The following TMEM245 variants were observed in gnomAD, a reference collection of about 807,000 sequenced individuals.
The protein encoded by TMEM245 is transmembrane protein 245.
Under a neutral mutation model 101.2 loss-of-function variants are expected in TMEM245, and 69 were observed. The observed-to-expected ratio is 0.68, with a 90% CI of 0.56 to 0.83. The LOEUF (loss-of-function observed/expected upper bound fraction) is 0.83. Ranked by LOEUF, TMEM245 falls within the 40% of genes least tolerant of loss-of-function variation. The pLI is 0.00. For synonymous variants in TMEM245, 537 were observed against 449.8 expected (o/e 1.19, Z -2.45); for missense variants, 1,075 against 1,092.8 (o/e 0.98, Z 0.23).
Position 109,108,480 on chromosome 9 carries a change from C to T in TMEM245, c.670G>A (p.Val224Ile), listed in dbSNP as rs750708190. 3 of 1,562,588 alleles carry T rather than the reference C, an allele frequency of 1.9e-6. No homozygotes were observed. In the African/African-American group the frequency reaches 4.2e-5, roughly 22 times the overall value. The change falls in exon 2 of 18, where the codon GTC becomes ATC. Residue 224 changes from valine (V) to isoleucine (I), a missense_variant. Physicochemically the swap from Val to Ile is conservative, Grantham distance 29 (BLOSUM62 3). Transcript: ENST00000374586. ...AAATGAAAAAGCAATATAATCCAGA[C>T]AGGAATTGAAACTGCTCTCAAGTAG... The part of the protein sequence containing the change: ...ERYLRAVSIP[V>I]WIILLFHLAS...
In TMEM245 at chr9:109,108,515, C is replaced by T; in HGVS notation, c.635G>A (p.Ser212Asn). The T allele has an allele frequency of 3.7e-6, 6 of 1,609,352 alleles. No homozygotes were observed. Among genetic ancestry groups the T allele is most frequent in the Non-Finnish European group, 4.2e-6 (5 of 1,178,034 alleles). Residue 212 changes from serine to asparagine, a missense_variant, in exon 2 of 18, where the codon AGC (serine) becomes AAC (asparagine). Ser to Asn is a conservative substitution (Grantham distance 46). Around this residue, in one of 2 missense-constraint regions of TMEM245, gnomAD observed 808 missense variants for 741.5 expected, o/e 1.09. Transcript: ENST00000374586. ...AACTGCTCTCAAGTAGCGTTCAGTG[C>T]TTGCATTCCACTTGAATGAAACAGT... ...VLTVSFKWNA[S>N]TERYLRAVSI...
intron 8 of TMEM245, among the ~76,000 whole-genome samples, chr9:109,077,124 T>C (rs1386602534): frequency 6.6e-6 from 1 of 151,762 alleles, no homozygotes. Context: ...TTAGGTCAAG[T>C]TGACTGACCG....
At chr9:109,066,327 A>C (rs1391603961) in intron 9 of TMEM245, among the ~76,000 whole-genome samples, 1 of 151,884 alleles carries the variant, frequency 6.6e-6, no homozygotes, top group African/African-American at 2.4e-5. Flanking sequence ...TGGTTGCACA[A>C]AACTGTAGTC....
At chr9:109,107,602 G>A (rs1830463291) in intron 2 of TMEM245, among the ~76,000 whole-genome samples, 1 of 152,084 alleles carries the variant, frequency 6.6e-6, no homozygotes, top group Non-Finnish European at 1.5e-5. Context: ...AACAAAGCTA[G>A]AGAATAATGC....
intron 1 of TMEM245, among the ~76,000 whole-genome samples, chr9:109,111,075 G>GA (rs1303430848): frequency 7.6e-4 from 115 of 150,954 alleles, no homozygotes; most frequent in African/African-American, 2.6e-3. Flanking sequence ...AGGGGAAAAA[G>GA]AAAAAAAAAG....
intron 2 of TMEM245, among the ~76,000 whole-genome samples, chr9:109,107,205 T>A (rs1830451137): frequency 1.3e-5 from 2 of 150,996 alleles, no homozygotes; most frequent in African/African-American, 2.4e-5. Flanking sequence ...CTGGCCAGCA[T>A]GGTGAAATCC....
chr9:109,056,231 G>C (rs994420411), intron 12 of TMEM245, among the ~76,000 whole-genome samples: 1 of 152,084 alleles, frequency 6.6e-6, no homozygotes, highest in Non-Finnish European at 1.5e-5. Flanking sequence ...ATACAGCAGG[G>C]CACTGCTGTT....
At chr9:109,078,720 G>A (rs1204808281) in intron 8 of TMEM245, among the ~76,000 whole-genome samples, 1 of 152,154 alleles carries the variant, frequency 6.6e-6, no homozygotes, top group East Asian at 1.9e-4. Context: ...GCTAGGCATG[G>A]TTTTGTGTTT....
At chr9:109,117,922 T>C (rs565817441) in intron 1 of TMEM245, among the ~76,000 whole-genome samples, 1 of 152,354 alleles carries the variant, frequency 6.6e-6, no homozygotes, top group Non-Finnish European at 1.5e-5. Flanking sequence ...CTTAACTGAA[T>C]TGTGAAACTG....
rs1269823702 is a variant in TMEM245, at chr9:109,017,774, C to A, written c.*2686G>T. The A allele has an allele frequency of 2.6e-5, 4 of 152,308 alleles. No homozygotes were observed. The highest frequency in any genetic ancestry group is 2.6e-4 in the Admixed American group (4 of 15,302). 9.4% of individuals were successfully genotyped at this position (152,308 alleles called of 1,614,324 possible). A position where few individuals can be genotyped will look rare whatever the true frequency, so the allele number is the denominator to read the frequency against. ...AGGTAGGTTATCTTTGAGACTTGAG[C>A]TTAAAACTCCTACCTTTTCATACCA... On this transcript the variant is annotated 3_prime_UTR_variant, in exon 18 of 18. Coordinates refer to ENST00000374586, the MANE Select transcript of TMEM245 (RefSeq NM_032012.4).
At chr9:109,073,861 T>TG (rs1194274564) in intron 8 of TMEM245, among the ~76,000 whole-genome samples, 16 of 148,548 alleles carry the variant, frequency 1.1e-4, no homozygotes, top group South Asian at 2.1e-4. Flanking sequence ...TTTTTGTTTT[T>TG]TTTTTTTTTT....
Position 109,119,664 on chromosome 9 carries a change from G to A in TMEM245, c.250C>T (p.Leu84=). 1 of 1,556,336 alleles carries A rather than the reference G, an allele frequency of 6.4e-7. No individual in the cohort carries two copies. The highest frequency in any genetic ancestry group is 8.7e-7 in the Non-Finnish European group (1 of 1,152,840). The change falls in exon 1 of 18, where the codon CTG becomes TTG. Residue 84 remains leucine (L), a synonymous_variant. Transcript: ENST00000374586. ...YFILEAFLRP[L]LWAVLCGTFL... is the part of the protein sequence containing the mutation. ...GTGCCGCATAGCACGGCCCAGAGCAGCGGCCGCAGGAAGGCCTCCAGGATG... is the reference window on the plus strand; with the variant it reads ...GTGCCGCATAGCACGGCCCAGAGCAACGGCCGCAGGAAGGCCTCCAGGATG...
intron 9 of TMEM245, among the ~76,000 whole-genome samples, chr9:109,072,430 G>C (rs577055261): frequency 1.3e-5 from 2 of 152,300 alleles, no homozygotes; most frequent in South Asian, 4.1e-4. Flanking sequence ...TTTTCACCCT[G>C]AACATCTGCT....
At chr9:109,094,129 A>C (rs1378599972) in intron 3 of TMEM245, among the ~76,000 whole-genome samples, 2 of 152,230 alleles carry the variant, frequency 1.3e-5, no homozygotes, top group Non-Finnish European at 2.9e-5. Flanking sequence ...ATCTAAAGGA[A>C]CATCATGACG....
At chr9:109,078,780 T>C (rs1829589960) in intron 8 of TMEM245, among the ~76,000 whole-genome samples, 1 of 152,248 alleles carries the variant, frequency 6.6e-6, no homozygotes. Context: ...GATCTGTTAA[T>C]GTTTTTCACC....
rs1184307818 is a variant in TMEM245 at position 109,017,586 on chromosome 9, G to A, written c.*2874C>T. On this transcript the variant is annotated 3_prime_UTR_variant, in exon 18 of 18. Transcript: ENST00000374586. ...TCCATTCGGTTTACAACTGAATAGC[G>A]AATGTGAACTTGAAACTAATCTTTA... The A allele has an allele frequency of 6.6e-6, 1 of 152,134 alleles. No individual in the cohort carries two copies. Among genetic ancestry groups the A allele is most frequent in the East Asian group, 1.9e-4 (1 of 5,198 alleles). The allele number at this position is 152,134 out of a possible 1,614,324, so 9.4% of individuals were successfully genotyped here.
At chr9:109,052,596 C>T (rs547173085) in intron 12 of TMEM245, among the ~76,000 whole-genome samples, 7 of 152,174 alleles carry the variant, frequency 4.6e-5, no homozygotes, top group Non-Finnish European at 7.3e-5. Flanking sequence ...AAGAGAACTC[C>T]GGCAGGCTGG....
chr9:109,102,367 T>C (rs1830302442), intron 3 of TMEM245, among the ~76,000 whole-genome samples: 1 of 152,198 alleles, frequency 6.6e-6, no homozygotes, highest in South Asian at 2.1e-4. Context: ...AATAAAAATA[T>C]GGCTTACAAT....
intron 17 of TMEM245, among the ~76,000 whole-genome samples, chr9:109,028,110 C>T (rs570403194): frequency 6.6e-6 from 1 of 152,116 alleles, no homozygotes; most frequent in African/African-American, 2.4e-5. Context: ...CTTTTTTGCA[C>T]TTTGGAATAT....
Sources: gnomAD v4.1 joint callset for allele counts (sites outside exome capture counted in the v4.1 genomes callset) on GRCh38, gnomAD v4.1.1 for gene constraint, gnomAD v4.1.1 regional missense constraint, MANE v1.5 for transcripts, NCBI Gene and HGNC (gene_info 2026-07-23, HGNC 2026-07-21) for gene names.